Variants in MGA observed in about 807,000 individuals in gnomAD.
The protein encoded by MGA is MAX dimerization protein MGA.
MGA carries 40 observed loss-of-function variants against 261.1 expected under a neutral mutation model. The ratio of observed to expected loss-of-function variants is 0.15; its 90% CI spans 0.12 to 0.20. MGA has a LOEUF of 0.20. MGA is among the 10% of genes least tolerant of loss of function. The probability of loss-of-function intolerance (pLI) is 1.00; values close to 1 mark genes in which losing one functional copy is unlikely to be tolerated. For synonymous variants in MGA, 1,302 were observed against 1,290.6 expected (o/e 1.01, Z -0.19); for missense variants, 3,397 against 3,630.5 (o/e 0.94, Z 1.65).
chr15:41,704,696 G>A (rs908783137), intron 5 of MGA, among the ~76,000 whole-genome samples: 21 of 152,072 alleles, frequency 1.4e-4, no homozygotes, highest in African/African-American at 5.1e-4. Flanking sequence ...TGATTAGCTG[G>A]AGTTTTCCTT....
chr15:41,692,310 T>C (rs1338177498), intron 2 of MGA, among the ~76,000 whole-genome samples: 1 of 152,210 alleles, frequency 6.6e-6, no homozygotes. Flanking sequence ...GCGGCACTGC[T>C]GTTTGTTCTG....
At chr15:41,755,151 T>C (rs188431743) in intron 18 of MGA, among the ~76,000 whole-genome samples, 142 of 152,320 alleles carry the variant, frequency 9.3e-4, no homozygotes, top group Non-Finnish European at 1.7e-3. Flanking sequence ...TTTTCTGTTT[T>C]AGTAAGCCTT....
chr15:41,744,221 T>G (rs2062296983), intron 15 of MGA, among the ~76,000 whole-genome samples: 1 of 152,048 alleles, frequency 6.6e-6, no homozygotes, highest in African/African-American at 2.4e-5. Flanking sequence ...TATATTTTTT[T>G]GAGATGGAGT....
chr15:41,664,810 A>G (rs1180896374), intron 1 of MGA, among the ~76,000 whole-genome samples: 2 of 151,712 alleles, frequency 1.3e-5, no homozygotes, highest in Non-Finnish European at 2.9e-5. Context: ...ACTTCCGTTT[A>G]GTTTTGTTTT....
chr15:41,642,711 G>A (rs1237688852), intron 1 of MGA, among the ~76,000 whole-genome samples: 1 of 151,950 alleles, frequency 6.6e-6, no homozygotes, highest in Non-Finnish European at 1.5e-5. Flanking sequence ...TTGACCTTGT[G>A]ATTCCCCCTG....
At chr15:41,649,472 G>C (rs1302130758) in intron 1 of MGA, among the ~76,000 whole-genome samples, 2 of 151,868 alleles carry the variant, frequency 1.3e-5, no homozygotes, top group Non-Finnish European at 2.9e-5. Flanking sequence ...ATAAAAAATA[G>C]ACCTGTGTAA....
chr15:41,669,947 G>A lies in MGA; in HGVS notation c.1053G>A (p.Glu351=), dbSNP rs767005898. ...GTGAAGTTCCTCAATTGAAGCAAGA[G>A]ATTTCTGAATGGTAAGTAGTAGTTT... Residue 351 remains glutamate (E), a synonymous_variant, in exon 2 of 24, where the codon GAG becomes GAA. Transcript: ENST00000219905. 2 of 1,611,250 alleles carry A rather than the reference G, an allele frequency of 1.2e-6. No individual in the cohort carries two copies. The highest frequency in any genetic ancestry group is 2.2e-5 in the East Asian group (1 of 44,858).
At chr15:41,765,110 A>G (rs754128357) in intron 23 of MGA, 48 bp downstream of exon 23, 4 of 1,586,820 alleles carry the variant, frequency 2.5e-6, no homozygotes, top group Admixed American at 1.7e-5. Flanking sequence ...AGTTATCCCT[A>G]ACATCTCACG....
intron 2 of MGA, among the ~76,000 whole-genome samples, chr15:41,693,456 A>G (rs2059396460): frequency 6.6e-6 from 1 of 151,860 alleles, no homozygotes; most frequent in African/African-American, 2.4e-5. Flanking sequence ...ATGATGGAGG[A>G]TTTTCAAGTA....
chr15:41,761,931 C>A, intron 21 of MGA, 81 bp downstream of exon 21: 2 of 1,168,016 alleles, frequency 1.7e-6, no homozygotes, highest in Non-Finnish European at 2.4e-6. Context: ...CTTTCAGATA[C>A]TTAATTGAAA....
intron 1 of MGA, among the ~76,000 whole-genome samples, chr15:41,667,920 C>T (rs1000001663): frequency 2.6e-5 from 4 of 152,094 alleles, no homozygotes; most frequent in Non-Finnish European, 5.9e-5. Context: ...TCTCATGCCT[C>T]AGCCTCCTGA....
intron 14 of MGA, among the ~76,000 whole-genome samples, 165 bp downstream of exon 14, chr15:41,740,368 C>T: frequency 6.6e-6 from 1 of 152,104 alleles, no homozygotes. Flanking sequence ...GGGTTAACGT[C>T]TGATAACCTG....
rs372126236 is a variant in MGA, at chr15:41,669,001, C to T, written c.107C>T (p.Thr36Ile). 1.2e-6 allele frequency: 2 copies of T among 1,613,516 alleles called. No homozygotes were observed. The highest frequency in any genetic ancestry group is 1.7e-6 in the Non-Finnish European group (2 of 1,179,612). Reference sequence around the variant, plus strand: ...TTAAAGCAGCCAGGAAATGGCAAAACTGATCAAGGAATTTTGGTTACTAAT... The same window carrying T: ...TTAAAGCAGCCAGGAAATGGCAAAATTGATCAAGGAATTTTGGTTACTAAT... Residue 36 changes from threonine to isoleucine, a missense_variant, in exon 2 of 24, where the codon ACT (threonine) becomes ATT (isoleucine). Physicochemically the swap from Thr to Ile is moderately conservative, Grantham distance 89 (BLOSUM62 -1). Around this residue, in one of 9 missense-constraint regions of MGA, gnomAD observed 81 missense variants for 84.3 expected, o/e 0.96. Coordinates refer to ENST00000219905, the MANE Select transcript of MGA (RefSeq NM_001164273.2).
At chr15:41,677,280 T>A (rs1367041078) in intron 2 of MGA, among the ~76,000 whole-genome samples, 2 of 152,186 alleles carry the variant, frequency 1.3e-5, no homozygotes, top group African/African-American at 4.8e-5. Flanking sequence ...TAGCTGCGAT[T>A]ACAGGCACGT....
At position 41,660,471 on chromosome 15, in the gene MGA, C is replaced by G. The variant is rs1027179605; in HGVS notation, c.-122C>G. ...ACGGTGTGCGAACCGAACAGAATAA[C>G]CCGCCCCCAGCGGGATGTGAAGGAC... On this transcript the variant is annotated 5_prime_UTR_variant, in exon 1 of 24. Coordinates refer to ENST00000219905, the MANE Select transcript of MGA (RefSeq NM_001164273.2). 1 of 152,944 alleles carries G rather than the reference C, an allele frequency of 6.5e-6. No homozygotes were observed. The highest frequency in any genetic ancestry group is 1.5e-5 in the Non-Finnish European group (1 of 68,298). 9.5% of individuals were successfully genotyped at this position (152,944 alleles called of 1,614,324 possible). A position where few individuals can be genotyped will look rare whatever the true frequency, so the allele number is the denominator to read the frequency against.
At chr15:41,672,075 C>T (rs1471885301) in intron 2 of MGA, among the ~76,000 whole-genome samples, 1 of 152,128 alleles carries the variant, frequency 6.6e-6, no homozygotes, top group African/African-American at 2.4e-5. Context: ...GTTTATTGTA[C>T]CGTTGGATGA....
At chr15:41,709,867 G>C (rs1296868760) in intron 7 of MGA, among the ~76,000 whole-genome samples, 1 of 148,180 alleles carries the variant, frequency 6.7e-6, no homozygotes, top group Admixed American at 6.9e-5. Flanking sequence ...TTGTTGCCCA[G>C]CTGGAGTGCA....
Position 41,696,840 on chromosome 15 carries a change from C to T in MGA, c.1830C>T (p.Val610=). The T allele has an allele frequency of 6.3e-7, 1 of 1,599,190 alleles. No individual in the cohort carries two copies. Among genetic ancestry groups the T allele is most frequent in the Non-Finnish European group, 8.5e-7 (1 of 1,172,690 alleles). The change falls in exon 3 of 24, where the codon GTC becomes GTT. Residue 610 remains valine (V), a synonymous_variant. Coordinates refer to ENST00000219905, the MANE Select transcript of MGA (RefSeq NM_001164273.2). The stretch of plus-strand genomic sequence containing the variant: ...CTAATCAGAATGCCTCTCCAAATGT[C>T]CCTGGAAAAAGAGGAAGGCCACGAA...
At chr15:41,667,142 TATTC>T (rs1369899966) in intron 1 of MGA, among the ~76,000 whole-genome samples, 21 of 152,204 alleles carry the variant, frequency 1.4e-4, no homozygotes, top group African/African-American at 5.1e-4. Flanking sequence ...ACTATGTACA[TATTC>T]ATAGCCATTT....
Sources: gnomAD v4.1 joint callset for allele counts (sites outside exome capture counted in the v4.1 genomes callset) on GRCh38, gnomAD v4.1.1 for gene constraint, gnomAD v4.1.1 regional missense constraint, MANE v1.5 for transcripts, NCBI Gene and HGNC (gene_info 2026-07-23, HGNC 2026-07-21) for gene names.